The following SLC35F4 variants were observed in gnomAD, a reference collection of about 807,000 sequenced individuals.
SLC35F4 encodes chromosome 14 open reading frame 36.
In SLC35F4, 24 loss-of-function variants were observed where a neutral mutation model predicts 44.2. The observed-to-expected ratio is 0.54, with a 90% confidence interval of 0.39 to 0.76. The LOEUF (loss-of-function observed/expected upper bound fraction) is 0.76. Among genes scored for constraint, SLC35F4 ranks in the 30% least tolerant of loss-of-function variants. The probability of loss-of-function intolerance (pLI) is 0.00; values close to 1 mark genes in which losing one functional copy is unlikely to be tolerated. For missense variants in SLC35F4, 562 were observed against 586.1 expected (o/e 0.96, Z 0.42); for synonymous variants, 238 against 223.6 (o/e 1.06, Z -0.57).
At chr14:57,868,674 C>T (rs1253739761), upstream of SLC35F4, among the ~76,000 whole-genome samples, 1 of 152,072 alleles carries the variant, frequency 6.6e-6, no homozygotes, top group African/African-American at 2.4e-5. Context: ...GATGGGGTTT[C>T]ACCATGTTGG....
intron 4 of SLC35F4, chr14:57,580,567 AAT>A (rs1040224596): frequency 1.9e-5 from 7 of 360,724 alleles, no homozygotes; most frequent in African/African-American, 8.7e-5. Flanking sequence ...CAAGCATATA[AAT>A]ATATATGTTT....
chr14:57,917,790 T>A (rs1031581870), intron 1 of SLC35F4, among the ~76,000 whole-genome samples: 8 of 152,310 alleles, frequency 5.3e-5, no homozygotes, highest in Middle Eastern at 3.4e-3. Context: ...CGTTACCAAG[T>A]TAGTGAGCAT....
chr14:57,842,236 A>G (rs1885560045), intron 1 of SLC35F4, among the ~76,000 whole-genome samples: 1 of 152,226 alleles, frequency 6.6e-6, no homozygotes, highest in African/African-American at 2.4e-5. Context: ...TTCCCATCAT[A>G]TATCAGTTCA....
At chr14:57,818,839 A>T (rs1386085406) in intron 1 of SLC35F4, among the ~76,000 whole-genome samples, 1 of 152,190 alleles carries the variant, frequency 6.6e-6, no homozygotes, top group East Asian at 1.9e-4. Context: ...TTGTTTCAAT[A>T]ACCCTGCTGT....
At chr14:57,579,678 A>G (rs904603598) in intron 4 of SLC35F4, among the ~76,000 whole-genome samples, 4 of 152,084 alleles carry the variant, frequency 2.6e-5, no homozygotes, top group African/African-American at 9.7e-5. Context: ...AGAAGTATGA[A>G]CTCATTTACT....
intron 3 of SLC35F4, among the ~76,000 whole-genome samples, chr14:57,587,840 G>A (rs540785697): frequency 1.2e-5 from 1 of 83,588 alleles, no homozygotes; most frequent in Admixed American, 1.4e-4. Context: ...AAGGCCAAAT[G>A]AATAAAGAAT....
chr14:57,751,278 C>T (rs189918337), intron 1 of SLC35F4, among the ~76,000 whole-genome samples: 1 of 152,222 alleles, frequency 6.6e-6, no homozygotes, highest in African/African-American at 2.4e-5. Context: ...AGTAAATATT[C>T]AACATTGTTA....
intron 1 of SLC35F4, among the ~76,000 whole-genome samples, chr14:57,617,937 G>A (rs1489732071): frequency 6.6e-6 from 1 of 152,138 alleles, no homozygotes; most frequent in Non-Finnish European, 1.5e-5. Context: ...CTGATATGTA[G>A]GCAACAGAAG....
chr14:57,805,536 C>T (rs1881209837), intron 1 of SLC35F4, among the ~76,000 whole-genome samples: 1 of 152,108 alleles, frequency 6.6e-6, no homozygotes. Context: ...ACCAAACACC[C>T]CATGTTCTTA....
chr14:57,714,050 G>A (rs1464610794), intron 1 of SLC35F4, among the ~76,000 whole-genome samples: 1 of 152,136 alleles, frequency 6.6e-6, no homozygotes, highest in Non-Finnish European at 1.5e-5. Flanking sequence ...ACCTAACACA[G>A]GGACAGTAGC....
At chr14:57,823,967 T>C (rs115981141) in intron 1 of SLC35F4, among the ~76,000 whole-genome samples, 2,984 of 152,244 alleles carry the variant, frequency 0.02, 89 homozygotes, top group African/African-American at 0.067. Context: ...CTTGTAGATA[T>C]TTCTCAGTAT....
intron 4 of SLC35F4, among the ~76,000 whole-genome samples, chr14:57,578,347 T>TGAGGTG: frequency 7.5e-6 from 1 of 133,770 alleles, no homozygotes; most frequent in African/African-American, 2.8e-5. Context: ...TTTTTTTTTT[T>TGAGGTG]TTTTTTTTTT....
chr14:57,971,223 A>G (rs1037136306), intron 1 of SLC35F4, among the ~76,000 whole-genome samples: 1 of 152,256 alleles, frequency 6.6e-6, no homozygotes, highest in African/African-American at 2.4e-5. Flanking sequence ...TAAAAATACC[A>G]AAACAATTTC....
At chr14:57,781,104 A>G (rs1214288433) in intron 1 of SLC35F4, among the ~76,000 whole-genome samples, 1 of 152,200 alleles carries the variant, frequency 6.6e-6, no homozygotes, top group East Asian at 1.9e-4. Flanking sequence ...GCACAGCAAA[A>G]CAAACTATCA....
At chr14:57,592,544 CTG>C in intron 2 of SLC35F4, among the ~76,000 whole-genome samples, 1 of 152,248 alleles carries the variant, frequency 6.6e-6, no homozygotes, top group African/African-American at 2.4e-5. Context: ...GTTTAATTAA[CTG>C]GAACATTTTG....
At chr14:57,743,539 C>T (rs1054469097) in intron 1 of SLC35F4, among the ~76,000 whole-genome samples, 3 of 152,062 alleles carry the variant, frequency 2.0e-5, no homozygotes, top group Non-Finnish European at 2.9e-5. Flanking sequence ...AAGTTGAATC[C>T]CTGAATAGAC....
rs538486297 is a variant in SLC35F4 at position 57,632,274 on chromosome 14, A to G, written c.104-38150T>C. Among the ~76,000 whole-genome samples the G allele has an allele frequency of 2.6e-5, 4 of 152,228 alleles. No individual in the cohort carries two copies. The South Asian group carries it at 8.3e-4, about 32-fold the overall frequency. On this transcript the variant is annotated intron_variant, in intron 1 of 7. Coordinates refer to ENST00000556826, the MANE Select transcript of SLC35F4 (RefSeq NM_001306087.2). ...AAATTTTGCATTTTCTTTCTTATAG[A>G]AGCCTCTGAAATGGTATTTTTGAAT... is the stretch of plus-strand genomic sequence containing the variant.
chr14:57,630,572 A>C (rs2072719338), intron 1 of SLC35F4: 1 of 1,026,100 alleles, frequency 9.7e-7, no homozygotes, highest in Admixed American at 1.8e-5. Flanking sequence ...AAGATATGAA[A>C]AGGAATTAGG....
chr14:57,932,885 G>A (rs1426543694), intron 1 of SLC35F4, among the ~76,000 whole-genome samples: 2 of 152,044 alleles, frequency 1.3e-5, no homozygotes, highest in Admixed American at 1.3e-4. Flanking sequence ...GTGTATATTA[G>A]AGAGAAGCTT....
Sources: allele counts gnomAD v4.1 joint callset (sites outside exome capture counted in the v4.1 genomes callset), GRCh38; gene constraint gnomAD v4.1.1; transcripts MANE v1.5; gene names NCBI Gene and HGNC (gene_info 2026-07-23, HGNC 2026-07-21).